ATAD2B: variants seen among roughly 807,000 people sequenced by gnomAD.
ATAD2B encodes ATPase family AAA domain containing 2B, also known as ATPase family AAA domain-containing protein 2B.
Under a neutral mutation model 167.6 loss-of-function variants are expected in ATAD2B, and 40 were observed. That is an observed-to-expected ratio of 0.24 (90% CI 0.19 to 0.31). The LOEUF is 0.31. Ranked by LOEUF, ATAD2B falls within the 10% of genes least tolerant of loss-of-function variation. The pLI is 1.00. For synonymous variants in ATAD2B, 579 were observed against 596.5 expected (o/e 0.97, Z 0.43); for missense variants, 1,242 against 1,757.2 (o/e 0.71, Z 5.24).
chr2:23,719,120 G>C, the ATAD2B span, among the ~76,000 whole-genome samples: 1 of 152,166 alleles, frequency 6.6e-6, no homozygotes, highest in African/African-American at 2.4e-5. Flanking sequence ...ACAGAGCTTT[G>C]GAAACTAAAC....
At chr2:23,892,171 T>C (rs1042718029) in intron 2 of ATAD2B, among the ~76,000 whole-genome samples, 14 of 152,168 alleles carry the variant, frequency 9.2e-5, no homozygotes, top group Admixed American at 7.2e-4. Flanking sequence ...AATCTTTTTT[T>C]TCTTTTTCTT....
intron 13 of ATAD2B, among the ~76,000 whole-genome samples, chr2:23,853,025 G>T (rs1217008352): frequency 2.0e-5 from 3 of 151,788 alleles, no homozygotes; most frequent in African/African-American, 4.8e-5. Context: ...AAAAAAATAT[G>T]TTACAAAGTT....
rs902073427 is a variant in ATAD2B, at chr2:23,896,147, C to G, written c.217-177G>C. On this transcript the variant is annotated intron_variant, in intron 1 of 27. Coordinates refer to ENST00000238789, the MANE Select transcript of ATAD2B (RefSeq NM_017552.4). Reference sequence around the variant, plus strand: ...ACTGGCCAACATGGTGAAACCCCGCCTCTACCAAAAAAAAAAAAAAAAAAT... The same window carrying G: ...ACTGGCCAACATGGTGAAACCCCGCGTCTACCAAAAAAAAAAAAAAAAAAT... 2.1e-5 allele frequency among the ~76,000 whole-genome samples: 3 copies of G among 144,588 alleles called. No homozygotes were observed. In the Admixed American group the frequency reaches 2.1e-4, roughly 10 times the overall value. The allele number at this position is 144,588 out of a possible 152,430, so 94.9% of individuals were successfully genotyped here. A position where few individuals can be genotyped will look rare whatever the true frequency, so the allele number is the denominator to read the frequency against.
intron 24 of ATAD2B, among the ~76,000 whole-genome samples, chr2:23,760,703 C>T (rs530225037): frequency 0.011 from 1,511 of 132,922 alleles, 10 homozygotes; most frequent in African/African-American, 0.019. Flanking sequence ...TATATATACA[C>T]ACACACACAC....
chr2:23,777,362 A>ATATCTG (rs1374399534), intron 22 of ATAD2B, among the ~76,000 whole-genome samples: 25 of 151,398 alleles, frequency 1.7e-4, no homozygotes, highest in African/African-American at 6.1e-4. Flanking sequence ...ATCTATATCT[A>ATATCTG]TATCTATATC....
At chr2:23,829,855 T>C (rs1021109056) in intron 14 of ATAD2B, among the ~76,000 whole-genome samples, 4 of 152,240 alleles carry the variant, frequency 2.6e-5, no homozygotes, top group Admixed American at 2.6e-4. Flanking sequence ...TTAAATTCAT[T>C]GAAAGATCAA....
chr2:23,858,327 G>C (rs1693767233), intron 12 of ATAD2B, among the ~76,000 whole-genome samples: 1 of 150,888 alleles, frequency 6.6e-6, no homozygotes, highest in African/African-American at 2.4e-5. Context: ...CATCATGTTG[G>C]CCAGGCTGTT....
chr2:23,686,896 C>T, the ATAD2B span, among the ~76,000 whole-genome samples: 1 of 152,194 alleles, frequency 6.6e-6, no homozygotes. Flanking sequence ...TGTTCGTTTG[C>T]AGCCACAGAG....
chr2:23,707,232 A>G, the ATAD2B span: 1 of 152,270 alleles, frequency 6.6e-6, no homozygotes, highest in African/African-American at 2.4e-5. Context: ...ACGCGGAGCC[A>G]GGGGTGGCAG....
At chr2:23,713,413 T>TTA in the ATAD2B span, among the ~76,000 whole-genome samples, 53 of 151,350 alleles carry the variant, frequency 3.5e-4, no homozygotes, top group Admixed American at 1.2e-3. Context: ...TTTTTTTTTT[T>TTA]AAGTAACAGC....
the ATAD2B span, chr2:23,704,005 T>G: frequency 2.0e-6 from 2 of 1,014,528 alleles, no homozygotes; most frequent in South Asian, 3.4e-5. Flanking sequence ...ACCACAGGAG[T>G]GGGCATTAGC....
the ATAD2B span, among the ~76,000 whole-genome samples, chr2:23,737,948 A>C: frequency 6.6e-6 from 1 of 152,246 alleles, no homozygotes; most frequent in African/African-American, 2.4e-5. Flanking sequence ...AAAGGGTATC[A>C]GTGATGGAAG....
the ATAD2B span, among the ~76,000 whole-genome samples, chr2:23,678,412 A>C: frequency 6.6e-6 from 1 of 151,922 alleles, no homozygotes; most frequent in African/African-American, 2.4e-5. Flanking sequence ...ACTTTCACTC[A>C]CTCTCCGGGG....
the ATAD2B span, among the ~76,000 whole-genome samples, chr2:23,680,287 G>A: frequency 6.6e-6 from 1 of 152,154 alleles, no homozygotes; most frequent in South Asian, 2.1e-4. The surrounding 1 kb of genome is among the most constrained non-coding windows in gnomAD (Gnocchi z 4.1). Context: ...CCTGCGGATT[G>A]CGGGCAGTGG....
chr2:23,901,003 G>C (rs956864278), intron 1 of ATAD2B: 12 of 153,424 alleles, frequency 7.8e-5, no homozygotes, highest in African/African-American at 2.7e-4. Flanking sequence ...ATGCTGAGAG[G>C]AACAGAAAGG....
At chr2:23,872,718 G>A (rs1696193306) in intron 8 of ATAD2B, 36 of 1,140,764 alleles carry the variant, frequency 3.2e-5, no homozygotes, top group Admixed American at 2.4e-4. Flanking sequence ...GCTTTACTGA[G>A]ATCAGTCAGA....
the ATAD2B span, chr2:23,703,287 G>C: frequency 1.3e-6 from 2 of 1,549,480 alleles, no homozygotes; most frequent in Admixed American, 2.0e-5. Flanking sequence ...TACGTGTTTG[G>C]TGGGGTGAAC....
intron 14 of ATAD2B, among the ~76,000 whole-genome samples, chr2:23,832,922 G>C (rs1264456400): frequency 2.6e-5 from 4 of 152,210 alleles, no homozygotes; most frequent in African/African-American, 9.7e-5. Flanking sequence ...ACCTACTTCA[G>C]CCCTATCTAC....
chr2:23,915,461 AACTC>A (rs779038887), intron 1 of ATAD2B, among the ~76,000 whole-genome samples: 1 of 151,012 alleles, frequency 6.6e-6, no homozygotes, highest in Non-Finnish European at 1.5e-5. Flanking sequence ...AAAAAAATCC[AACTC>A]ACTATTTAAA....
Sources: allele counts gnomAD v4.1 joint callset (sites outside exome capture counted in the v4.1 genomes callset), GRCh38; gene constraint gnomAD v4.1.1; non-coding constraint Gnocchi (gnomAD v3.1); transcripts MANE v1.5; gene names NCBI Gene and HGNC (gene_info 2026-07-23, HGNC 2026-07-21).